Variants in CACNB2 observed in about 807,000 individuals in gnomAD.
CACNB2 encodes the protein voltage-dependent L-type calcium channel subunit beta-2.
Under a neutral mutation model 73.3 loss-of-function variants are expected in CACNB2, and 42 were observed. The ratio of observed to expected loss-of-function variants is 0.57; its 90% CI spans 0.45 to 0.74. CACNB2 has a LOEUF of 0.74. Among genes scored for constraint, CACNB2 ranks in the 30% least tolerant of loss-of-function variants. CACNB2 has a pLI of 0.00. For missense variants in CACNB2, 940 were observed against 853.0 expected (o/e 1.10, Z -1.27); for synonymous variants, 348 against 310.3 (o/e 1.12, Z -1.28).
chr10:18,174,094 C>A (rs2033425024), intron 2 of CACNB2, among the ~76,000 whole-genome samples: 1 of 152,122 alleles, frequency 6.6e-6, no homozygotes, highest in South Asian at 2.1e-4. Context: ...TAAAAATTTT[C>A]TTGTCTTTGC....
At chr10:18,282,016 T>C (rs1026158727) in intron 2 of CACNB2, among the ~76,000 whole-genome samples, 1 of 149,544 alleles carries the variant, frequency 6.7e-6, no homozygotes, top group Non-Finnish European at 1.5e-5. Flanking sequence ...GGAAATAATG[T>C]TATTAAAGTT....
intron 3 of CACNB2, among the ~76,000 whole-genome samples, chr10:18,478,897 A>C (rs889815845): frequency 6.6e-6 from 1 of 151,992 alleles, no homozygotes; most frequent in Non-Finnish European, 1.5e-5. Flanking sequence ...TTGCTGTGGG[A>C]GGGATGTGGG....
At chr10:18,356,942 C>CTTTTTTTTTTTCTTTTTTT (rs2041936194) in intron 2 of CACNB2, among the ~76,000 whole-genome samples, 1 of 101,104 alleles carries the variant, frequency 9.9e-6, no homozygotes, top group Non-Finnish European at 2.0e-5. Flanking sequence ...GACTCAATTT[C>CTTTTTTTTTTTCTTTTTTT]TTTTTTTTTT....
intron 2 of CACNB2, among the ~76,000 whole-genome samples, chr10:18,279,242 C>T (rs1180458345): frequency 6.6e-6 from 1 of 152,112 alleles, no homozygotes; most frequent in Non-Finnish European, 1.5e-5. Context: ...TCAGAGAGCC[C>T]CTCCCTCCCG....
At chr10:18,354,765 A>C (rs2041844765) in intron 2 of CACNB2, among the ~76,000 whole-genome samples, 1 of 151,804 alleles carries the variant, frequency 6.6e-6, no homozygotes, top group African/African-American at 2.4e-5. Context: ...TCCGGTTCTG[A>C]AAATATCTGC....
rs560392057 is a variant in CACNB2 at position 18,415,490 on chromosome 10, GA to G, written c.333+13456del. 1.4e-3 allele frequency among the ~76,000 whole-genome samples: 208 copies of G among 148,920 alleles called. 9 individuals carry two copies. The East Asian group carries it at 0.033, about 24-fold the overall frequency. On this transcript the variant is annotated intron_variant, in intron 3 of 13. Coordinates refer to ENST00000324631, the MANE Select transcript of CACNB2 (RefSeq NM_201596.3). ...CTTAAAAAAAAAAAAACAAAGAAAAGAAAAAAAAAGCATTATGAGCCAAATG... is the reference window on the plus strand; with the variant it reads ...CTTAAAAAAAAAAAAACAAAGAAAAGAAAAAAAAGCATTATGAGCCAAATG...
At chr10:18,343,358 T>C (rs1221294857) in intron 2 of CACNB2, among the ~76,000 whole-genome samples, 2 of 152,146 alleles carry the variant, frequency 1.3e-5, no homozygotes, top group Non-Finnish European at 2.9e-5. Flanking sequence ...TTTCTGACTG[T>C]GGTTAAGAGA....
In CACNB2 at chr10:18,539,740, GTTTTTTTTTTT is replaced by G. The variant is rs34022725; in HGVS notation, c.*25_*35del. ...CCGCCAATGAGTTTTGCCCGTTTGT[GTTTTTTTTTTT>G]TTTTTTTTGAAGTCTTGTATAACTA... On this transcript the variant is annotated 3_prime_UTR_variant, in exon 14 of 14. Transcript: ENST00000324631. 8 of 1,449,386 alleles carry G rather than the reference GTTTTTTTTTTT, an allele frequency of 5.5e-6. No individual in the cohort carries two copies. The highest frequency in any genetic ancestry group is 1.3e-5 in the South Asian group (1 of 79,344). 89.8% of individuals were successfully genotyped at this position (1,449,386 alleles called of 1,614,324 possible). A position where few individuals can be genotyped will look rare whatever the true frequency, so the allele number is the denominator to read the frequency against.
intron 3 of CACNB2, among the ~76,000 whole-genome samples, chr10:18,429,462 C>A (rs1477999572): frequency 6.6e-6 from 1 of 152,100 alleles, no homozygotes; most frequent in Non-Finnish European, 1.5e-5. Context: ...CAACCATTAG[C>A]TCTTAAAAGT....
At chr10:18,159,368 G>A (rs1242202974) in intron 2 of CACNB2, among the ~76,000 whole-genome samples, 6 of 152,200 alleles carry the variant, frequency 3.9e-5, no homozygotes, top group Non-Finnish European at 7.3e-5. Flanking sequence ...ATCCACAACT[G>A]TTTTTGGGAT....
In CACNB2 at chr10:18,450,939, G is replaced by A. The variant is rs181493624; in HGVS notation, c.334-47416G>A. 2.1e-3 allele frequency among the ~76,000 whole-genome samples: 325 copies of A among 152,180 alleles called. 1 individual carries two copies. The highest frequency in any genetic ancestry group is 7.5e-3 in the African/African-American group (311 of 41,526). On this transcript the variant is annotated intron_variant, in intron 3 of 13. Coordinates refer to ENST00000324631, the MANE Select transcript of CACNB2 (RefSeq NM_201596.3). Reference sequence around the variant, plus strand: ...GGCATGAGCCACCACGCCCAGCCCCGTTTGCTTTTTTTATGAAAAGAATCA... The same window carrying A: ...GGCATGAGCCACCACGCCCAGCCCCATTTGCTTTTTTTATGAAAAGAATCA...
At chr10:18,342,105 A>C (rs116874002) in intron 2 of CACNB2, among the ~76,000 whole-genome samples, 53 of 152,342 alleles carry the variant, frequency 3.5e-4, no homozygotes, top group Non-Finnish European at 5.9e-4. Context: ...GTTTGAGTAC[A>C]TCTGGAATCA....
chr10:18,180,456 T>A (rs2033816295), intron 2 of CACNB2, among the ~76,000 whole-genome samples: 1 of 152,020 alleles, frequency 6.6e-6, no homozygotes, highest in African/African-American at 2.4e-5. Flanking sequence ...GCTGCCTTTT[T>A]TTTTTTTTAA....
chr10:18,358,495 A>ACG (rs1478424080), intron 2 of CACNB2, among the ~76,000 whole-genome samples: 5 of 104,300 alleles, frequency 4.8e-5, no homozygotes, highest in Admixed American at 9.8e-5. Context: ...TCTAATGAGC[A>ACG]CGCTCTCTCT....
chr10:18,392,004 G>A (rs1405091035), intron 2 of CACNB2, among the ~76,000 whole-genome samples: 4 of 151,216 alleles, frequency 2.6e-5, no homozygotes, highest in African/African-American at 7.3e-5. Context: ...TGGAAATACC[G>A]CTGCAATCAA....
chr10:18,478,791 C>CAGTTA (rs1188134747), intron 3 of CACNB2, among the ~76,000 whole-genome samples: 1 of 152,128 alleles, frequency 6.6e-6, no homozygotes, highest in East Asian at 1.9e-4. Context: ...AGTCTCTTGA[C>CAGTTA]AGTTAAGGTT....
At chr10:18,527,784 G>C in intron 10 of CACNB2, 87 bp downstream of exon 10, 2 of 859,274 alleles carry the variant, frequency 2.3e-6, no homozygotes, top group Non-Finnish European at 2.0e-6. Context: ...ATAATTCCAT[G>C]TGTCACAGAG....
At chr10:18,462,523 G>A (rs1163091865) in intron 3 of CACNB2, among the ~76,000 whole-genome samples, 1 of 152,056 alleles carries the variant, frequency 6.6e-6, no homozygotes, top group Non-Finnish European at 1.5e-5. Context: ...CCAAAGTGTT[G>A]GGATTATGGG....
At chr10:18,170,181 A>G (rs1177626168) in intron 2 of CACNB2, among the ~76,000 whole-genome samples, 1 of 152,112 alleles carries the variant, frequency 6.6e-6, no homozygotes, top group Non-Finnish European at 1.5e-5. Flanking sequence ...AGAAAAATCA[A>G]CTCCACACAA....
Sources: gnomAD v4.1 joint callset for allele counts (sites outside exome capture counted in the v4.1 genomes callset) on GRCh38, gnomAD v4.1.1 for gene constraint, MANE v1.5 for transcripts, NCBI Gene and HGNC (gene_info 2026-07-23, HGNC 2026-07-21) for gene names.